CDK17: variants seen among roughly 807,000 people sequenced by gnomAD.
The protein encoded by CDK17 is cyclin-dependent kinase 17.
CDK17 carries 24 observed loss-of-function variants against 77.6 expected under a neutral mutation model. The ratio of observed to expected loss-of-function variants is 0.31; its 90% CI spans 0.22 to 0.44. The LOEUF is 0.44. CDK17 is among the 20% of genes least tolerant of loss of function. The probability of loss-of-function intolerance (pLI) is 1.00; values close to 1 mark genes in which losing one functional copy is unlikely to be tolerated. For missense variants in CDK17, 429 were observed against 622.5 expected, an observed-to-expected ratio of 0.69 and a Z score of 3.31; for synonymous variants, 203 against 210.4, an observed-to-expected ratio of 0.96 and a Z score of 0.30.
At chr12:96,299,089 T>C in intron 6 of CDK17, 106 bp from the exon 7 acceptor site, 4 of 586,744 alleles carry the variant, frequency 6.8e-6, no homozygotes, top group Non-Finnish European at 1.2e-5. Flanking sequence ...CTAAGCATTG[T>C]TAAGTTCCAT....
chr12:96,355,578 C>T (rs1007815195), intron 1 of CDK17, among the ~76,000 whole-genome samples: 5 of 151,512 alleles, frequency 3.3e-5, no homozygotes, highest in Non-Finnish European at 5.9e-5. Context: ...CTAATTTTTT[C>T]TGTATTTTTA....
intron 1 of CDK17, among the ~76,000 whole-genome samples, chr12:96,359,127 T>C (rs984115204): frequency 3.9e-5 from 6 of 152,086 alleles, no homozygotes; most frequent in African/African-American, 1.4e-4. Flanking sequence ...CCAACGTATC[T>C]AATACCTGCT....
chr12:96,365,510 G>A (rs1393916089), intron 1 of CDK17, among the ~76,000 whole-genome samples: 1 of 152,144 alleles, frequency 6.6e-6, no homozygotes, highest in African/African-American at 2.4e-5. Context: ...TGTAGATTAT[G>A]AGGGAAACAC....
chr12:96,363,786 G>A (rs901394425), intron 1 of CDK17, among the ~76,000 whole-genome samples: 17 of 152,170 alleles, frequency 1.1e-4, no homozygotes, highest in African/African-American at 4.1e-4. Context: ...GGAGGTGGAG[G>A]TTGCTGCGAG....
chr12:96,294,342 A>T (rs1767172643), intron 10 of CDK17, among the ~76,000 whole-genome samples: 1 of 152,114 alleles, frequency 6.6e-6, no homozygotes, highest in African/African-American at 2.4e-5. Context: ...CTGTAATCTC[A>T]GCACTTTGGG....
chr12:96,322,683 C>CA (rs1168158099), intron 3 of CDK17, among the ~76,000 whole-genome samples: 5 of 151,842 alleles, frequency 3.3e-5, no homozygotes, highest in Non-Finnish European at 7.4e-5. Flanking sequence ...ATAACTAGAA[C>CA]AGAAAAAAAT....
At position 96,280,815 on chromosome 12, in the gene CDK17, T is replaced by A. The variant is rs2137059195; in HGVS notation, c.1527A>T (p.Pro509=). The A allele has an allele frequency of 6.2e-7, 1 of 1,613,966 alleles. No individual in the cohort carries two copies. Among genetic ancestry groups the A allele is most frequent in the Non-Finnish European group, 8.5e-7 (1 of 1,179,946 alleles). Residue 509 remains proline (P), a synonymous_variant, in exon 16 of 17, where the codon CCA becomes CCT. Transcript: ENST00000261211. ...KDPGFRNSSY[P]ETGHGKNRRQ... is the part of the protein sequence containing the mutation. ...GGTTTATGACAAACACACCTGTCTC[T>A]GGATAAGAAGAATTTCGAAAACCCG...
chr12:96,334,868 G>A lies in CDK17; in HGVS notation c.-29-3C>T, dbSNP rs368468945. 22 of 1,112,970 alleles carry A rather than the reference G, an allele frequency of 2.0e-5. No individual in the cohort carries two copies. The highest frequency in any genetic ancestry group is 3.5e-5 in the Admixed American group (2 of 57,688). 68.9% of individuals were successfully genotyped at this position (1,112,970 alleles called of 1,614,324 possible). On this transcript the variant is annotated splice_region_variant and splice_polypyrimidine_tract_variant and intron_variant, in intron 1 of 16. Transcript: ENST00000261211. ...AATTGAATGTGGCTTGAAAAATCCTGAAAGAAAAGAATAAACACAAAACTA... is the reference window on the plus strand; with the variant it reads ...AATTGAATGTGGCTTGAAAAATCCTAAAAGAAAAGAATAAACACAAAACTA...
intron 5 of CDK17, among the ~76,000 whole-genome samples, chr12:96,304,823 A>G (rs1952556143): frequency 1.3e-5 from 2 of 151,236 alleles, no homozygotes; most frequent in South Asian, 2.2e-4. Flanking sequence ...ATTCCATCTT[A>G]TATTTCTAAT....
At chr12:96,390,921 T>A (rs927514813) in intron 1 of CDK17, among the ~76,000 whole-genome samples, 26 of 151,102 alleles carry the variant, frequency 1.7e-4, no homozygotes, top group Non-Finnish European at 3.0e-4. Flanking sequence ...TGGCCAACAC[T>A]ACTAAAAATA....
At chr12:96,367,852 C>CT (rs1411421361) in intron 1 of CDK17, among the ~76,000 whole-genome samples, 7 of 124,118 alleles carry the variant, frequency 5.6e-5, no homozygotes, top group Non-Finnish European at 8.2e-5. Context: ...CTCATCTCTA[C>CT]TTAAAAAAAA....
intron 3 of CDK17, among the ~76,000 whole-genome samples, chr12:96,315,558 C>T (rs748961683): frequency 2.0e-5 from 3 of 152,170 alleles, no homozygotes; most frequent in Non-Finnish European, 4.4e-5. Flanking sequence ...ATTTCTGTCA[C>T]ACCTTCAAAA....
intron 1 of CDK17, among the ~76,000 whole-genome samples, chr12:96,389,627 A>C (rs139019176): frequency 5.9e-5 from 9 of 152,322 alleles, no homozygotes; most frequent in Non-Finnish European, 1.2e-4. Flanking sequence ...TGATCTCAAA[A>C]GCTCAATACA....
intron 1 of CDK17, among the ~76,000 whole-genome samples, chr12:96,384,911 G>A (rs1417643061): frequency 6.6e-6 from 1 of 151,372 alleles, no homozygotes; most frequent in African/African-American, 2.4e-5. Context: ...GTGGAAGGCT[G>A]AGGTGGGAAA....
intron 7 of CDK17, among the ~76,000 whole-genome samples, chr12:96,298,297 A>G (rs937902866): frequency 1.3e-5 from 2 of 152,116 alleles, no homozygotes; most frequent in Non-Finnish European, 2.9e-5. Flanking sequence ...AAAAAAAAAA[A>G]AAAGTTCATG....
intron 1 of CDK17, among the ~76,000 whole-genome samples, chr12:96,346,821 A>G (rs867735089): frequency 6.6e-6 from 1 of 152,012 alleles, no homozygotes. Context: ...AGGCTGAAGC[A>G]GAAGAATCAC....
intron 4 of CDK17, 39 bp downstream of exon 4, chr12:96,313,282 A>G (rs1592720962): frequency 1.3e-6 from 2 of 1,520,886 alleles, no homozygotes; most frequent in Non-Finnish European, 1.8e-6. Context: ...ATACCAACAC[A>G]CATATTCACA....
At chr12:96,332,768 T>G (rs1320301532) in intron 2 of CDK17, among the ~76,000 whole-genome samples, 1 of 152,208 alleles carries the variant, frequency 6.6e-6, no homozygotes, top group African/African-American at 2.4e-5. Context: ...TTTGCCCTTA[T>G]TTACTACCTA....
At position 96,289,223 on chromosome 12, in the gene CDK17, G is replaced by A. The variant is rs746029909; in HGVS notation, c.1062C>T (p.Tyr354=). 1.2e-6 allele frequency: 2 copies of A among 1,613,926 alleles called. No individual in the cohort carries two copies. Among genetic ancestry groups the A allele is most frequent in the Non-Finnish European group, 1.7e-6 (2 of 1,179,832 alleles). The part of the protein sequence containing the change: ...TYSNEVVTLW[Y]RPPDVLLGSS... ...AACCAAGAAGCACATCAGGTGGCCG[G>A]TACCATAGTGTGACAACTTCATTTG... Residue 354 remains tyrosine (Y), a synonymous_variant, in exon 11 of 17, where the codon TAC becomes TAT. Transcript: ENST00000261211.
Sources: gnomAD v4.1 joint callset for allele counts (sites outside exome capture counted in the v4.1 genomes callset) on GRCh38, gnomAD v4.1.1 for gene constraint, MANE v1.5 for transcripts, NCBI Gene and HGNC (gene_info 2026-07-23, HGNC 2026-07-21) for gene names.